Variants in FRYL observed in about 807,000 individuals in gnomAD.
FRYL encodes the protein FRY like transcription coactivator.
Under a neutral mutation model 351.2 loss-of-function variants are expected in FRYL, and 150 were observed. The ratio of observed to expected loss-of-function variants is 0.43; its 90% confidence interval spans 0.37 to 0.49. The LOEUF is 0.49. FRYL is among the 20% of genes least tolerant of loss of function. The probability of loss-of-function intolerance (pLI) is 0.00; values close to 1 mark genes in which losing one functional copy is unlikely to be tolerated. For synonymous variants in FRYL, 1,153 were observed against 1,257.1 expected, an observed-to-expected ratio of 0.92 and a Z score of 1.75; for missense variants, 3,036 against 3,619.3, an observed-to-expected ratio of 0.84 and a Z score of 4.13.
chr4:48,573,410 T>C (rs778111711), intron 25 of FRYL, among the ~76,000 whole-genome samples, 167 bp from the exon 26 acceptor site: 14 of 152,218 alleles, frequency 9.2e-5, no homozygotes, highest in Non-Finnish European at 8.8e-5. Flanking sequence ...CATTATATTA[T>C]AGACTATTTG....
At chr4:48,662,858 A>T (rs2149479400) in intron 3 of FRYL, among the ~76,000 whole-genome samples, 1 of 152,206 alleles carries the variant, frequency 6.6e-6, no homozygotes, top group East Asian at 1.9e-4. Context: ...CTGACCCAGA[A>T]TTCTATATCC....
intron 2 of FRYL, among the ~76,000 whole-genome samples, chr4:48,706,322 A>AAAG (rs2149584212): frequency 6.6e-6 from 1 of 152,376 alleles, no homozygotes; most frequent in East Asian, 1.9e-4. Context: ...AAAAAGAATG[A>AAAG]AATTCTAACA....
At chr4:48,575,879 G>A in intron 24 of FRYL, 151 bp downstream of exon 24, 1 of 591,644 alleles carries the variant, frequency 1.7e-6, no homozygotes, top group Non-Finnish European at 2.9e-6. Context: ...TAAAAGCAAT[G>A]ATGGGCTTTC....
intron 3 of FRYL, chr4:48,637,298 C>A (rs763893551): frequency 6.6e-6 from 1 of 152,012 alleles, no homozygotes; most frequent in Non-Finnish European, 1.5e-5. Context: ...CTTTATATTT[C>A]ATCATAATGT....
chr4:48,563,706 T>TAA (rs78922907), intron 31 of FRYL, among the ~76,000 whole-genome samples: 7 of 123,270 alleles, frequency 5.7e-5, no homozygotes, highest in African/African-American at 9.0e-5. Flanking sequence ...AGACCATGTC[T>TAA]AAAAAAAAAA....
intron 42 of FRYL, among the ~76,000 whole-genome samples, chr4:48,545,373 T>A (rs1286453175): frequency 6.6e-6 from 1 of 152,160 alleles, no homozygotes; most frequent in Admixed American, 6.5e-5. Flanking sequence ...AGCTCTTTAT[T>A]AACACAGGCC....
Position 48,528,065 on chromosome 4 carries a change from T to C in FRYL, c.7066-20A>G. On this transcript the variant is annotated intron_variant, in intron 51 of 63. Coordinates refer to ENST00000358350, the MANE Select transcript of FRYL (RefSeq NM_015030.2). ...TCTTCGCTAAAGGAAAAAAAAAAAT[T>C]AAAATGTTAGGACTGCTGATAAAAT... The C allele has an allele frequency of 6.4e-7, 1 of 1,557,430 alleles. No individual in the cohort carries two copies. Among genetic ancestry groups the C allele is most frequent in the Non-Finnish European group, 8.6e-7 (1 of 1,156,454 alleles).
chr4:48,775,570 G>A (rs1775929973), intron 1 of FRYL, among the ~76,000 whole-genome samples: 1 of 152,110 alleles, frequency 6.6e-6, no homozygotes, highest in Non-Finnish European at 1.5e-5. Context: ...TACTTCACCA[G>A]CCTAAACTGT....
At chr4:48,650,238 A>G (rs1560787016) in intron 3 of FRYL, among the ~76,000 whole-genome samples, 2 of 152,200 alleles carry the variant, frequency 1.3e-5, no homozygotes, top group Admixed American at 6.5e-5. Context: ...AAAAGGGGTC[A>G]TATATTTATG....
chr4:48,558,752 T>C (rs962353791), intron 33 of FRYL, among the ~76,000 whole-genome samples: 3 of 152,246 alleles, frequency 2.0e-5, no homozygotes, highest in African/African-American at 7.2e-5. Flanking sequence ...GATCCTTTAA[T>C]GCTCATGACA....
At chr4:48,754,668 G>T (rs1350403745) in intron 1 of FRYL, among the ~76,000 whole-genome samples, 62 of 142,242 alleles carry the variant, frequency 4.4e-4, no homozygotes, top group African/African-American at 8.7e-4. Flanking sequence ...TTTTTTTGGG[G>T]TTTTTTTTTT....
Position 48,620,726 on chromosome 4 carries a change from C to A in FRYL, c.227G>T (p.Arg76Leu), listed in dbSNP as rs756586585. ...VAEHCLPSLL[R>L]TLFDWYRRQN... ...GCGTCTGTACCAGTCAAACAAGGTG[C>A]GAAGTAAGGAAGGGAGACAGTGCTC... is the stretch of plus-strand genomic sequence containing the variant. Residue 76 changes from arginine (R) to leucine (L), a missense_variant, in exon 6 of 64, where the codon CGC becomes CTC. Around this residue, in one of 7 missense-constraint regions of FRYL, gnomAD observed 457 missense variants for 566.6 expected, o/e 0.81. Coordinates refer to ENST00000358350, the MANE Select transcript of FRYL (RefSeq NM_015030.2). 14 of 1,613,536 alleles carry A rather than the reference C, an allele frequency of 8.7e-6. No homozygotes were observed. Among genetic ancestry groups the A allele is most frequent in the Non-Finnish European group, 1.1e-5 (13 of 1,179,740 alleles).
chr4:48,540,084 A>G lies in FRYL; in HGVS notation c.6296-16T>C. On this transcript the variant is annotated splice_polypyrimidine_tract_variant and intron_variant, in intron 46 of 63. Coordinates refer to ENST00000358350, the MANE Select transcript of FRYL (RefSeq NM_015030.2). ...AGAGGAAAGCCTATCAAAACAAAAA[A>G]AAGCAAACAATAACCAATTTTATTG... is the stretch of plus-strand genomic sequence containing the variant. 1 of 1,585,488 alleles carries G rather than the reference A, an allele frequency of 6.3e-7. No individual in the cohort carries two copies. Among genetic ancestry groups the G allele is most frequent in the South Asian group, 1.1e-5 (1 of 88,574 alleles).
rs1730954417 is a variant in FRYL, at chr4:48,544,668, A to T, written c.5401+115T>A. Reference sequence around the variant, plus strand: ...GATCTGTTATCATTAATAAATTAAAAGTCTAAAACTTTTAGAGGTATCACA... The same window carrying T: ...GATCTGTTATCATTAATAAATTAAATGTCTAAAACTTTTAGAGGTATCACA... On this transcript the variant is annotated intron_variant, in intron 43 of 63. Coordinates refer to ENST00000358350, the MANE Select transcript of FRYL (RefSeq NM_015030.2). 5.3e-6 allele frequency: 4 copies of T among 755,788 alleles called. No individual in the cohort carries two copies. In the South Asian group the frequency reaches 1.3e-4, roughly 24 times the overall value. The allele number at this position is 755,788 out of a possible 1,614,324, so 46.8% of individuals were successfully genotyped here. A position where few individuals can be genotyped will look rare whatever the true frequency, so the allele number is the denominator to read the frequency against.
intron 1 of FRYL, among the ~76,000 whole-genome samples, chr4:48,749,434 C>T (rs937528298): frequency 4.6e-5 from 7 of 152,138 alleles, no homozygotes; most frequent in South Asian, 2.1e-4. Context: ...TGGTAAACTG[C>T]GAAAGGACTG....
chr4:48,727,234 C>T (rs59195393), intron 1 of FRYL, among the ~76,000 whole-genome samples: 3 of 152,076 alleles, frequency 2.0e-5, no homozygotes, highest in South Asian at 2.1e-4. Context: ...GAAGAAGAGA[C>T]GTCTGGTTTC....
intron 3 of FRYL, among the ~76,000 whole-genome samples, chr4:48,651,078 G>T (rs1757528422): frequency 6.6e-6 from 1 of 152,084 alleles, no homozygotes. Context: ...TGACCCTGTA[G>T]TTCAATGTGA....
chr4:48,614,988 G>A (rs1429269561), intron 7 of FRYL, among the ~76,000 whole-genome samples: 5 of 151,616 alleles, frequency 3.3e-5, no homozygotes, highest in South Asian at 2.1e-4. Context: ...CAACACGCCC[G>A]GCTAATTTTT....
intron 1 of FRYL, among the ~76,000 whole-genome samples, chr4:48,714,943 C>A (rs910440131): frequency 2.0e-4 from 30 of 151,060 alleles, no homozygotes; most frequent in African/African-American, 7.3e-4. Context: ...TGGGCTTCAT[C>A]CCTGGGATGC....
Sources: allele counts gnomAD v4.1 joint callset (sites outside exome capture counted in the v4.1 genomes callset), GRCh38; gene constraint gnomAD v4.1.1; regional missense constraint gnomAD v4.1.1; transcripts MANE v1.5; gene names NCBI Gene and HGNC (gene_info 2026-07-23, HGNC 2026-07-21).